The following SLCO1B3 variants were observed in gnomAD, a reference collection of about 807,000 sequenced individuals.
The protein encoded by SLCO1B3 is solute carrier organic anion transporter family member 1B3.
A neutral mutation model predicts 71.8 loss-of-function variants in SLCO1B3; 72 were observed. The ratio of observed to expected loss-of-function variants is 1.00; its 90% CI spans 0.83 to 1.22. The LOEUF (loss-of-function observed/expected upper bound fraction) is 1.22, where lower values mean the gene tolerates loss of function less well. Ranked by LOEUF, SLCO1B3 falls within the 50% of genes most tolerant of loss-of-function variation. The probability of loss-of-function intolerance (pLI) is 0.00; values close to 1 mark genes in which losing one functional copy is unlikely to be tolerated. For synonymous variants in SLCO1B3, 298 were observed against 278.4 expected, an observed-to-expected ratio of 1.07 and a Z score of -0.70; for missense variants, 911 against 819.7, an observed-to-expected ratio of 1.11 and a Z score of -1.36.
At chr12:20,900,083 C>T (rs1446428585) in intron 14 of SLCO1B3, among the ~76,000 whole-genome samples, 1 of 152,084 alleles carries the variant, frequency 6.6e-6, no homozygotes, top group Non-Finnish European at 1.5e-5. Context: ...TTGTTTAAAC[C>T]AGTGGCATAA....
chr12:20,894,265 C>T (rs892804744), intron 13 of SLCO1B3, among the ~76,000 whole-genome samples: 1 of 152,112 alleles, frequency 6.6e-6, no homozygotes, highest in African/African-American at 2.4e-5. Context: ...AGGAGTCACA[C>T]TACAGTGGTA....
intron 3 of SLCO1B3, among the ~76,000 whole-genome samples, chr12:20,846,875 C>T (rs1864930226): frequency 6.6e-6 from 1 of 151,844 alleles, no homozygotes; most frequent in African/African-American, 2.4e-5. Context: ...GCCGTGACTG[C>T]AGGTAGATAG....
intron 3 of SLCO1B3, among the ~76,000 whole-genome samples, chr12:20,843,253 A>G (rs1262861492): frequency 6.6e-6 from 1 of 152,110 alleles, no homozygotes; most frequent in Non-Finnish European, 1.5e-5. Context: ...ATTTTTTAAA[A>G]GACAATTACA....
At chr12:20,850,008 A>C (rs1472410584) in intron 3 of SLCO1B3, among the ~76,000 whole-genome samples, 1 of 148,492 alleles carries the variant, frequency 6.7e-6, no homozygotes, top group Non-Finnish European at 1.5e-5. Context: ...GATTTACCGC[A>C]CATTCTATCT....
rs61736830 is a variant in SLCO1B3 at position 20,875,266 on chromosome 12, T to A, written c.759T>A (p.Arg253=). The stretch of plus-strand genomic sequence containing the variant: ...TCAGAATAACTCCTAAGGACTCTCG[T>A]TGGGTTGGAGCTTGGTGGCTTGGTT... ...STIRITPKDS[R]WVGAWWLGFL... The change falls in exon 9 of 16, where the codon CGT becomes CGA. Residue 253 remains arginine, a synonymous_variant. Transcript: ENST00000381545. The A allele has an allele frequency of 1.5e-3, 2,423 of 1,612,334 alleles. 26 individuals carry two copies. The African/African-American group carries it at 0.028, about 18-fold the overall frequency.
chr12:20,846,194 G>T (rs1244452649), intron 3 of SLCO1B3, among the ~76,000 whole-genome samples: 4 of 151,946 alleles, frequency 2.6e-5, no homozygotes, highest in Non-Finnish European at 5.9e-5. Flanking sequence ...ATATCAAAGA[G>T]AATAGTTAGA....
Position 20,826,423 on chromosome 12 carries a change from G to A in SLCO1B3, c.84+10601G>A, listed in dbSNP as rs77515162. On this transcript the variant is annotated intron_variant, in intron 3 of 15. Transcript: ENST00000381545. ...AAAATCTCTTGTAATTTTATTAAGA[G>A]TGAATCAATACCTTAAGAAAATGTT... 1.2e-3 allele frequency among the ~76,000 whole-genome samples: 176 copies of A among 149,086 alleles called. 2 individuals carry two copies. The East Asian group carries it at 0.031, about 26-fold the overall frequency.
intron 3 of SLCO1B3, among the ~76,000 whole-genome samples, chr12:20,853,905 G>A (rs774550801): frequency 6.6e-6 from 1 of 150,910 alleles, no homozygotes; most frequent in Non-Finnish European, 1.5e-5. Context: ...TTGGTTTCTT[G>A]TGTTTTCATT....
chr12:20,834,296 A>G (rs1195524942), intron 3 of SLCO1B3, among the ~76,000 whole-genome samples: 1 of 145,358 alleles, frequency 6.9e-6, no homozygotes, highest in Non-Finnish European at 1.5e-5. Flanking sequence ...ATATATATAT[A>G]TAATTATATA....
chr12:20,847,756 C>T (rs889917130), intron 3 of SLCO1B3, among the ~76,000 whole-genome samples: 2 of 151,486 alleles, frequency 1.3e-5, no homozygotes, highest in Non-Finnish European at 2.9e-5. Context: ...CATATACCAT[C>T]AGGTGAACCA....
intron 14 of SLCO1B3, among the ~76,000 whole-genome samples, 172 bp downstream of exon 14, chr12:20,898,672 A>G (rs77276456): frequency 5.6e-4 from 86 of 152,328 alleles, no homozygotes; most frequent in African/African-American, 1.6e-3. Context: ...TGAGTGGTCT[A>G]AAAGATAATT....
chr12:20,907,267 A>G (rs1391814804), intron 15 of SLCO1B3, among the ~76,000 whole-genome samples: 2 of 152,162 alleles, frequency 1.3e-5, no homozygotes, highest in Non-Finnish European at 2.9e-5. Flanking sequence ...AACATCCCCA[A>G]CAAGTAATGA....
intron 3 of SLCO1B3, 35 bp downstream of exon 3, chr12:20,815,857 G>A: frequency 2.9e-6 from 4 of 1,393,706 alleles, no homozygotes; most frequent in Middle Eastern, 1.8e-4. Context: ...ACTAAAATAA[G>A]TTAATGGAAA....
At chr12:20,914,522 T>C (rs1044780646) in intron 15 of SLCO1B3, among the ~76,000 whole-genome samples, 2 of 152,092 alleles carry the variant, frequency 1.3e-5, no homozygotes, top group Non-Finnish European at 2.9e-5. Flanking sequence ...ATACATTGTT[T>C]CTATTATTAT....
chr12:20,914,871 C>A (rs1866461969), intron 15 of SLCO1B3, among the ~76,000 whole-genome samples: 1 of 152,104 alleles, frequency 6.6e-6, no homozygotes, highest in Admixed American at 6.5e-5. Context: ...GAAGAGAAGG[C>A]TGATGTAATC....
chr12:20,832,710 G>A (rs1463891864), intron 3 of SLCO1B3, among the ~76,000 whole-genome samples: 2 of 152,022 alleles, frequency 1.3e-5, no homozygotes, highest in African/African-American at 2.4e-5. Context: ...GCATTTCCTT[G>A]TTCCTCTTCT....
chr12:20,901,613 A>T, intron 15 of SLCO1B3, 146 bp downstream of exon 15: 1 of 533,658 alleles, frequency 1.9e-6, no homozygotes. Flanking sequence ...TGTATCAAGC[A>T]TTCTGGTATC....
chr12:20,896,035 G>C (rs1865999719), intron 13 of SLCO1B3, among the ~76,000 whole-genome samples: 1 of 152,180 alleles, frequency 6.6e-6, no homozygotes, highest in African/African-American at 2.4e-5. Flanking sequence ...CACAGCTGGA[G>C]CAGCTGGGAT....
At chr12:20,816,320 A>G (rs565355207) in intron 3 of SLCO1B3, among the ~76,000 whole-genome samples, 10 of 152,264 alleles carry the variant, frequency 6.6e-5, no homozygotes, top group African/African-American at 1.7e-4. Flanking sequence ...TTTTGTACCC[A>G]TAAATCATCC....
Sources: allele counts gnomAD v4.1 joint callset (sites outside exome capture counted in the v4.1 genomes callset), GRCh38; gene constraint gnomAD v4.1.1; transcripts MANE v1.5; gene names NCBI Gene and HGNC (gene_info 2026-07-23, HGNC 2026-07-21).